Variants in USP49 observed in about 807,000 individuals in gnomAD.
USP49 encodes ubiquitin carboxyl-terminal hydrolase 49.
USP49 carries 24 observed loss-of-function variants against 58.6 expected under a neutral mutation model. The observed-to-expected ratio is 0.41, with a 90% confidence interval of 0.30 to 0.58. The LOEUF (loss-of-function observed/expected upper bound fraction) is 0.58. Ranked by LOEUF, USP49 falls within the 20% of genes least tolerant of loss-of-function variation. The pLI is 0.30. For missense variants in USP49, 703 were observed against 866.1 expected, an observed-to-expected ratio of 0.81 and a Z score of 2.36; for synonymous variants, 408 against 365.1, an observed-to-expected ratio of 1.12 and a Z score of -1.34.
intron 3 of USP49, among the ~76,000 whole-genome samples, chr6:41,820,947 G>A (rs1328213332): frequency 2.6e-5 from 4 of 152,168 alleles, no homozygotes; most frequent in African/African-American, 9.7e-5. Context: ...GCTGCAGTGA[G>A]CTGTGATTGT....
chr6:41,822,071 A>G (rs1249278175), intron 3 of USP49, among the ~76,000 whole-genome samples: 6 of 152,318 alleles, frequency 3.9e-5, no homozygotes, highest in East Asian at 1.9e-4. Flanking sequence ...TTGAATCCAT[A>G]ATGTATGTAT....
rs771974993 is a variant in USP49, at chr6:41,806,966, A to G, written c.18T>C (p.His6=). 6.3e-6 allele frequency: 10 copies of G among 1,598,644 alleles called. No individual in the cohort carries two copies. The highest frequency in any genetic ancestry group is 2.2e-5 in the East Asian group (1 of 44,486). Residue 6 remains histidine (H), a synonymous_variant, in exon 4 of 8, where the codon CAT becomes CAC. Transcript: ENST00000682992. This position sits in a 1 kb window ranked among gnomAD's most constrained non-coding sequence, Gnocchi z 5.9. The part of the protein sequence containing the change: MDRCK[H]VGRLRLAQDH... ...CCTGGGCGAGCCGTAACCGCCCTAC[A>G]TGTTTGCATCTATCCATGTCTTATA...
intron 3 of USP49, among the ~76,000 whole-genome samples, chr6:41,833,241 C>T (rs1333651037): frequency 1.3e-5 from 2 of 151,884 alleles, no homozygotes; most frequent in African/African-American, 4.8e-5. Flanking sequence ...TGGTCTCGAT[C>T]TCCTGACCTC....
intron 3 of USP49, among the ~76,000 whole-genome samples, chr6:41,823,869 AGT>A (rs1275103501): frequency 1.3e-5 from 2 of 151,854 alleles, no homozygotes; most frequent in Non-Finnish European, 2.9e-5. Context: ...AGTGTGTGTG[AGT>A]GTGTGTGCGG....
intron 3 of USP49, among the ~76,000 whole-genome samples, chr6:41,839,404 C>CTAAAAA (rs1773782391): frequency 4.5e-5 from 1 of 22,234 alleles, no homozygotes; most frequent in Non-Finnish European, 8.5e-5. Context: ...GGCCTTGTCT[C>CTAAAAA]AAAAAAAAAA....
rs536175974 is a variant in USP49 at position 41,793,742 on chromosome 6, G to A, written c.*2791C>T. ...TCGTCTCAGAGGCAACCACAGATAT[G>A]AGGGTCAGGCTAGATTGAGGTAAAA... On this transcript the variant is annotated 3_prime_UTR_variant, in exon 8 of 8. Transcript: ENST00000682992. The A allele has an allele frequency of 3.1e-4, 47 of 152,338 alleles. No individual in the cohort carries two copies. Among genetic ancestry groups the A allele is most frequent in the African/African-American group, 1.1e-3 (46 of 41,560 alleles). 9.4% of individuals were successfully genotyped at this position (152,338 alleles called of 1,614,324 possible). A position where few individuals can be genotyped will look rare whatever the true frequency, so the allele number is the denominator to read the frequency against.
intron 3 of USP49, among the ~76,000 whole-genome samples, chr6:41,817,783 T>G (rs564375700): frequency 1.3e-3 from 193 of 152,180 alleles, no homozygotes; most frequent in Non-Finnish European, 2.0e-3. Context: ...GCCCAACTAA[T>G]TTTTGTATTT....
intron 2 of USP49, chr6:41,873,958 G>A (rs1774458944): frequency 6.6e-6 from 1 of 152,222 alleles, no homozygotes. Context: ...TGGGTGGGAA[G>A]TGAAATTACA....
chr6:41,855,617 T>A (rs534106647), intron 3 of USP49, among the ~76,000 whole-genome samples: 2 of 152,352 alleles, frequency 1.3e-5, no homozygotes, highest in East Asian at 3.9e-4. Flanking sequence ...CTGTCACTTA[T>A]AAAACCTAAC....
At chr6:41,841,799 G>T (rs1000654059) in intron 3 of USP49, among the ~76,000 whole-genome samples, 3 of 152,204 alleles carry the variant, frequency 2.0e-5, no homozygotes, top group Non-Finnish European at 4.4e-5. Context: ...GCTCACTCCT[G>T]TAATCCCAGC....
intron 3 of USP49, among the ~76,000 whole-genome samples, chr6:41,809,226 T>A (rs989134481): frequency 2.6e-4 from 36 of 138,840 alleles, no homozygotes; most frequent in East Asian, 4.6e-4. Context: ...TCTTTAAAAT[T>A]AAAAAAAAAA....
At position 41,806,239 on chromosome 6, in the gene USP49, C is replaced by T. The variant is rs141891674; in HGVS notation, c.745G>A (p.Ala249Thr). ...TTGCGCAGGCCCGTGACGCCTGGGGCCATGGCCGGCTGGCGACGCAGCTTG... is the reference window on the plus strand; with the variant it reads ...TTGCGCAGGCCCGTGACGCCTGGGGTCATGGCCGGCTGGCGACGCAGCTTG... ...TLKLRRQPAM[A>T]PGVTGLRNLG... The change falls in exon 4 of 8, where the codon GCC becomes ACC. Residue 249 changes from alanine (A) to threonine (T), a missense_variant. Around this residue, in one of 6 missense-constraint regions of USP49, gnomAD observed 376 missense variants for 373.5 expected, o/e 1.01. Transcript: ENST00000682992. The surrounding 1 kb of genome is among the most constrained non-coding windows in gnomAD (Gnocchi z 5.9). 16 of 1,610,160 alleles carry T rather than the reference C, an allele frequency of 9.9e-6. No individual in the cohort carries two copies. The highest frequency in any genetic ancestry group is 1.7e-5 in the Admixed American group (1 of 60,028).
rs935107187 is a variant in USP49 at position 41,806,448 on chromosome 6, T to C, written c.536A>G (p.Glu179Gly). 1 of 1,591,482 alleles carries C rather than the reference T, an allele frequency of 6.3e-7. No individual in the cohort carries two copies. Residue 179 changes from glutamate to glycine, a missense_variant, in exon 4 of 8, where the codon GAG (glutamate) becomes GGG (glycine). Glu to Gly is a moderately conservative substitution (Grantham distance 98). This residue lies in a region of USP49 where 376 missense variants were observed against 373.5 expected (regional missense o/e 1.01). Coordinates refer to ENST00000682992, the MANE Select transcript of USP49 (RefSeq NM_001286554.2). The surrounding 1 kb of genome is among the most constrained non-coding windows in gnomAD (Gnocchi z 5.9). The part of the protein sequence containing the change: ...LEQRRQEEAL[E>G]RKKEEARRRR... Reference sequence around the variant, plus strand: ...CCTCCGCGCCTCCTCCTTCTTGCGCTCCAGGGCCTCCTCCTGCCGCCGCTG... The same window carrying C: ...CCTCCGCGCCTCCTCCTTCTTGCGCCCCAGGGCCTCCTCCTGCCGCCGCTG...
In USP49 at chr6:41,802,460, A is replaced by ATTTATTT. The variant is rs1773031001; in HGVS notation, c.1561+1339_1561+1345dup. ...TATTTATTTATTTATTTATTTATTT[A>ATTTATTT]TTTATTTATTTTTTATTTATTTTTT... On this transcript the variant is annotated intron_variant, in intron 5 of 7. Transcript: ENST00000682992. Among the ~76,000 whole-genome samples, 101 of 71,360 alleles carry ATTTATTT rather than the reference A, an allele frequency of 1.4e-3. 1 individual carries two copies. Among genetic ancestry groups the ATTTATTT allele is most frequent in the Non-Finnish European group, 1.5e-3 (57 of 36,994 alleles). 46.8% of individuals were successfully genotyped at this position (71,360 alleles called of 152,430 possible).
At chr6:41,878,688 T>A (rs983985441) in intron 2 of USP49, among the ~76,000 whole-genome samples, 4 of 152,210 alleles carry the variant, frequency 2.6e-5, no homozygotes, top group African/African-American at 9.6e-5. Context: ...TTCTTATAAA[T>A]ACTATATAGC....
chr6:41,828,950 T>C (rs949769381), intron 3 of USP49, among the ~76,000 whole-genome samples: 6 of 152,196 alleles, frequency 3.9e-5, no homozygotes, highest in African/African-American at 1.4e-4. Context: ...CTTTATTATA[T>C]GAAGTCCTCC....
chr6:41,799,420 T>C (rs951324930), intron 6 of USP49, among the ~76,000 whole-genome samples: 1 of 152,196 alleles, frequency 6.6e-6, no homozygotes, highest in African/African-American at 2.4e-5. Flanking sequence ...TTATTTGCTG[T>C]TAATGTTCCA....
At chr6:41,837,196 C>T (rs556552371) in intron 3 of USP49, among the ~76,000 whole-genome samples, 1 of 152,202 alleles carries the variant, frequency 6.6e-6, no homozygotes, top group African/African-American at 2.4e-5. Flanking sequence ...TCACTGTTAC[C>T]CAACTTCAAA....
At chr6:41,801,816 C>T (rs1325307516) in intron 5 of USP49, among the ~76,000 whole-genome samples, 1 of 152,182 alleles carries the variant, frequency 6.6e-6, no homozygotes, top group Non-Finnish European at 1.5e-5. Flanking sequence ...GCATCTCATC[C>T]CCTCACCATA....
Sources: gnomAD v4.1 joint callset for allele counts (sites outside exome capture counted in the v4.1 genomes callset) on GRCh38, gnomAD v4.1.1 for gene constraint, gnomAD v4.1.1 regional missense constraint, Gnocchi (gnomAD v3.1) non-coding constraint, MANE v1.5 for transcripts, NCBI Gene and HGNC (gene_info 2026-07-23, HGNC 2026-07-21) for gene names.